Variants in DENND6A observed in about 807,000 individuals in gnomAD.
The protein encoded by DENND6A is DENN domain containing 6A.
DENND6A carries 43 observed loss-of-function variants against 95.5 expected under a neutral mutation model. That is an observed-to-expected ratio of 0.45 (90% CI 0.35 to 0.58). The LOEUF is 0.58. Ranked by LOEUF, DENND6A falls within the 20% of genes least tolerant of loss-of-function variation. The pLI, the probability that DENND6A is intolerant of heterozygous loss-of-function variation, is 0.00. For synonymous variants in DENND6A, 257 were observed against 260.4 expected (o/e 0.99, Z 0.13); for missense variants, 574 against 736.0 (o/e 0.78, Z 2.55).
At chr3:57,647,582 C>T (rs1389820401) in intron 9 of DENND6A, among the ~76,000 whole-genome samples, 1 of 152,144 alleles carries the variant, frequency 6.6e-6, no homozygotes, top group East Asian at 1.9e-4. Context: ...AGACAGGTAG[C>T]CTGATGAGTA....
intron 1 of DENND6A, chr3:57,679,394 TA>T: frequency 1.6e-6 from 1 of 619,100 alleles, no homozygotes; most frequent in Non-Finnish European, 2.0e-6. Flanking sequence ...TCCACCATCC[TA>T]AGCCAAATCT....
Position 57,692,862 on chromosome 3 carries a change from G to C in DENND6A, c.157C>G (p.Leu53Val). Reference protein sequence around the residue: ...EEDDGRGRGLLRWDSFSAWLH... With the variant: ...EEDDGRGRGLVRWDSFSAWLH... ...CAGGCGGAGAAGCTGTCCCAGCGCA[G>C]CAGGCCCCGGCCACGGCCATCGTCC... Residue 53 changes from leucine to valine, a missense_variant, in exon 1 of 20, where the codon CTG becomes GTG. Around this residue, in one of 2 missense-constraint regions of DENND6A, gnomAD observed 122 missense variants for 105.1 expected, o/e 1.16. Coordinates refer to ENST00000311128, the MANE Select transcript of DENND6A (RefSeq NM_152678.3). 1 of 1,584,744 alleles carries C rather than the reference G, an allele frequency of 6.3e-7. No homozygotes were observed. The highest frequency in any genetic ancestry group is 8.6e-7 in the Non-Finnish European group (1 of 1,169,428).
chr3:57,629,669 G>A (rs533241486), intron 18 of DENND6A, among the ~76,000 whole-genome samples: 3 of 149,654 alleles, frequency 2.0e-5, no homozygotes, highest in South Asian at 2.1e-4. Flanking sequence ...CTGCCACCAC[G>A]CCCGGCTAAT....
chr3:57,628,508 A>G (rs1183955501), intron 19 of DENND6A, among the ~76,000 whole-genome samples, 163 bp from the exon 20 acceptor site: 1 of 152,214 alleles, frequency 6.6e-6, no homozygotes, highest in East Asian at 1.9e-4. Context: ...TATTTAAACA[A>G]TTCGTTATTG....
At chr3:57,664,635 C>G (rs1393807876) in intron 4 of DENND6A, among the ~76,000 whole-genome samples, 1 of 152,086 alleles carries the variant, frequency 6.6e-6, no homozygotes, top group Non-Finnish European at 1.5e-5. Flanking sequence ...GAGATCAAGA[C>G]CATCCTGGCC....
Position 57,633,269 on chromosome 3 carries a change from G to A in DENND6A, c.1349C>T (p.Pro450Leu), listed in dbSNP as rs2070724432. The change falls in exon 15 of 20, where the codon CCA becomes CTA. Residue 450 changes from proline to leucine, a missense_variant. Transcript: ENST00000311128. ...FLELTQSFIIPLERYVASLMP... is the reference protein window; with the variant it reads ...FLELTQSFIILLERYVASLMP... ...AAAATTTATTTATTAACTTACTAAT[G>A]GAATGATGAAACTTTGTGTCAGTTC... 6.2e-7 allele frequency: 1 copy of A among 1,611,260 alleles called. No individual in the cohort carries two copies. The highest frequency in any genetic ancestry group is 8.5e-7 in the Non-Finnish European group (1 of 1,178,228).
At chr3:57,635,784 T>G (rs1384367664) in intron 12 of DENND6A, among the ~76,000 whole-genome samples, 1 of 152,212 alleles carries the variant, frequency 6.6e-6, no homozygotes, top group Non-Finnish European at 1.5e-5. Context: ...GAAGTACAGT[T>G]GAACATTGAA....
intron 15 of DENND6A, among the ~76,000 whole-genome samples, chr3:57,631,536 A>G (rs2070674135): frequency 6.6e-6 from 1 of 151,916 alleles, no homozygotes. Context: ...CTTACTGAGC[A>G]ACTATAGGCC....
At chr3:57,652,621 A>C (rs1361743847) in intron 9 of DENND6A, among the ~76,000 whole-genome samples, 1 of 152,224 alleles carries the variant, frequency 6.6e-6, no homozygotes, top group East Asian at 1.9e-4. Flanking sequence ...TATCTCCCCC[A>C]AAAATACCTA....
At chr3:57,692,141 T>C (rs766251113) in intron 1 of DENND6A, among the ~76,000 whole-genome samples, 19 of 148,600 alleles carry the variant, frequency 1.3e-4, no homozygotes, top group South Asian at 2.1e-4. Context: ...GGCAGGAGAA[T>C]TGCCTGAATC....
chr3:57,676,486 C>T (rs2071712070), intron 1 of DENND6A, among the ~76,000 whole-genome samples: 2 of 150,754 alleles, frequency 1.3e-5, no homozygotes, highest in African/African-American at 2.4e-5. Context: ...AAGCATGGCA[C>T]ACATGCCAGT....
chr3:57,661,835 C>T (rs183379119), intron 5 of DENND6A, among the ~76,000 whole-genome samples: 2 of 152,284 alleles, frequency 1.3e-5, no homozygotes, highest in Admixed American at 1.3e-4. Context: ...AAAAGTCTAG[C>T]TCCTGTTATC....
At chr3:57,653,940 A>ACTT (rs2071267219) in intron 9 of DENND6A, among the ~76,000 whole-genome samples, 1 of 105,852 alleles carries the variant, frequency 9.4e-6, no homozygotes, top group Non-Finnish European at 1.9e-5. Flanking sequence ...TTAGAAATTC[A>ACTT]CTTTTTTTTT....
rs558782874 is a variant in DENND6A at position 57,687,242 on chromosome 3, A to T, written c.237+5540T>A. On this transcript the variant is annotated intron_variant, in intron 1 of 19. Transcript: ENST00000311128. ...AGAAAGTGAAACAGCCTTACTGCTA[A>T]TGTGGAGAAAGTCTGAGTGGTCTGG... 2.6e-5 allele frequency among the ~76,000 whole-genome samples: 4 copies of T among 152,344 alleles called. No individual in the cohort carries two copies. The East Asian group carries it at 7.7e-4, about 29-fold the overall frequency.
In DENND6A at chr3:57,646,398, C is replaced by A. The variant is rs1377410233; in HGVS notation, c.859G>T (p.Glu287Ter). ...AGGGGCTCCCCCAACAGCACCAGCT[C>A]CCAGAGCATCTGACTATGAAGGAAA... is the stretch of plus-strand genomic sequence containing the variant. ...PVFLHSQMLW[E>*]LVLLGEPLVV... The change falls in exon 10 of 20, where the codon GAG becomes TAG. Residue 287 changes from glutamate to a stop codon, truncating the protein, a stop_gained. Transcript: ENST00000311128. LOFTEE classifies it high-confidence loss of function. 6.2e-7 allele frequency: 1 copy of A among 1,613,968 alleles called. No homozygotes were observed. The highest frequency in any genetic ancestry group is 8.5e-7 in the Non-Finnish European group (1 of 1,180,014).
intron 9 of DENND6A, among the ~76,000 whole-genome samples, chr3:57,654,424 A>G (rs745363486): frequency 2.2e-4 from 33 of 152,350 alleles, no homozygotes; most frequent in Non-Finnish European, 4.3e-4. Flanking sequence ...AGAAACAGCT[A>G]TAACTGTTGT....
intron 3 of DENND6A, among the ~76,000 whole-genome samples, chr3:57,671,835 C>T (rs1305753074): frequency 6.6e-6 from 1 of 152,148 alleles, no homozygotes; most frequent in Non-Finnish European, 1.5e-5. Context: ...AACTACTGCA[C>T]GTAACTTATG....
At chr3:57,688,603 C>A (rs116027389) in intron 1 of DENND6A, among the ~76,000 whole-genome samples, 3 of 151,558 alleles carry the variant, frequency 2.0e-5, no homozygotes, top group Non-Finnish European at 2.9e-5. Context: ...AGCAGAGTAA[C>A]GGGGGAGCAG....
At chr3:57,648,099 A>G (rs2071117908) in intron 9 of DENND6A, among the ~76,000 whole-genome samples, 1 of 152,182 alleles carries the variant, frequency 6.6e-6, no homozygotes, top group Admixed American at 6.5e-5. Flanking sequence ...GACATCATAT[A>G]CCTAGAAAAC....
Sources: gnomAD v4.1 joint callset for allele counts (sites outside exome capture counted in the v4.1 genomes callset) on GRCh38, gnomAD v4.1.1 for gene constraint, gnomAD v4.1.1 regional missense constraint, MANE v1.5 for transcripts, NCBI Gene and HGNC (gene_info 2026-07-23, HGNC 2026-07-21) for gene names.